NIPSNAP1: variants seen among roughly 807,000 people sequenced by gnomAD.
NIPSNAP1 encodes the protein nipsnap homolog 1.
A neutral mutation model predicts 49.2 loss-of-function variants in NIPSNAP1; 25 were observed. The ratio of observed to expected loss-of-function variants is 0.51; its 90% CI spans 0.37 to 0.71. The LOEUF (loss-of-function observed/expected upper bound fraction) is 0.71, where lower values mean the gene tolerates loss of function less well. Ranked by LOEUF, NIPSNAP1 falls within the 30% of genes least tolerant of loss-of-function variation. NIPSNAP1 has a pLI of 0.00. For synonymous variants in NIPSNAP1, 143 were observed against 140.7 expected (o/e 1.02, Z -0.12); for missense variants, 294 against 361.0 (o/e 0.81, Z 1.50).
intron 1 of NIPSNAP1, among the ~76,000 whole-genome samples, chr22:29,576,793 C>T (rs1409226291): frequency 6.6e-6 from 1 of 151,104 alleles, no homozygotes; most frequent in Admixed American, 6.6e-5. Flanking sequence ...GGTGCGGTGG[C>T]AGGCGCCTGT....
intron 1 of NIPSNAP1, among the ~76,000 whole-genome samples, chr22:29,573,768 C>CAAAAAAA (rs695672): frequency 1.6e-5 from 2 of 125,148 alleles, no homozygotes; most frequent in Admixed American, 8.5e-5. Context: ...AACTCTGTCT[C>CAAAAAAA]AAAAAAAAAA....
At chr22:29,566,194 C>T (rs2064367437) in intron 4 of NIPSNAP1, among the ~76,000 whole-genome samples, 1 of 151,544 alleles carries the variant, frequency 6.6e-6, no homozygotes, top group African/African-American at 2.4e-5. Flanking sequence ...TTTATAGAAG[C>T]AAAGTCTCAC....
At position 29,570,474 on chromosome 22, in the gene NIPSNAP1, C is replaced by A; in HGVS notation, c.157G>T (p.Asp53Tyr). ...WFRSLFVHKV[D>Y]PRKDAHSTLL... ...GTGGAGTGGGCATCCTTCCGGGGAT[C>A]CACTTTGTGAACAAAGAGGGAGCGG... The change falls in exon 2 of 10, where the codon GAT becomes TAT. Residue 53 changes from aspartate to tyrosine, a missense_variant. By Grantham distance (160) the Asp-to-Tyr change is radical. This residue lies in a region of NIPSNAP1 where 88 missense variants were observed against 76.1 expected (regional missense o/e 1.16). Transcript: ENST00000216121. 1 of 1,614,148 alleles carries A rather than the reference C, an allele frequency of 6.2e-7. No individual in the cohort carries two copies. Among genetic ancestry groups the A allele is most frequent in the Non-Finnish European group, 8.5e-7 (1 of 1,180,008 alleles).
intron 1 of NIPSNAP1, chr22:29,579,626 G>A (rs764487122): frequency 1.2e-5 from 2 of 164,082 alleles, no homozygotes; most frequent in South Asian, 1.6e-4. Context: ...ACAGGATCTC[G>A]CCGTGTTGCC....
intron 1 of NIPSNAP1, among the ~76,000 whole-genome samples, chr22:29,577,425 T>G (rs2064461310): frequency 1.3e-5 from 2 of 150,660 alleles, no homozygotes. Flanking sequence ...GCTAATTTTT[T>G]TTTTTTTTCT....
rs1022964103 is a variant in NIPSNAP1 at position 29,555,292 on chromosome 22, C to G, written c.*643G>C. 1.3e-5 allele frequency: 2 copies of G among 153,180 alleles called. No homozygotes were observed. The highest frequency in any genetic ancestry group is 4.8e-5 in the African/African-American group (2 of 41,462). The allele number at this position is 153,180 out of a possible 1,614,324, so 9.5% of individuals were successfully genotyped here. ...AGTTCTGAATTCTAAGTTCTACCTT[C>G]CGAGTTCCTGTTACGTGTCTGTCTC... On this transcript the variant is annotated 3_prime_UTR_variant, in exon 10 of 10. Transcript: ENST00000216121.
chr22:29,557,785 C>T (rs979387931), intron 9 of NIPSNAP1, among the ~76,000 whole-genome samples: 2 of 152,276 alleles, frequency 1.3e-5, no homozygotes, highest in Non-Finnish European at 2.9e-5. Context: ...ACACATTCTC[C>T]CTCATACCAC....
At chr22:29,563,769 G>A (rs1032992055) in intron 4 of NIPSNAP1, among the ~76,000 whole-genome samples, 3 of 152,086 alleles carry the variant, frequency 2.0e-5, no homozygotes, top group Non-Finnish European at 2.9e-5. Context: ...TGAAGACAGA[G>A]ACACACAGAG....
intron 4 of NIPSNAP1, among the ~76,000 whole-genome samples, chr22:29,565,886 C>G (rs369811378): frequency 9.9e-5 from 15 of 152,166 alleles, no homozygotes; most frequent in Non-Finnish European, 2.1e-4. Flanking sequence ...AGGAGATACA[C>G]CTATCTATCT....
chr22:29,561,456 T>A (rs1479485643), intron 6 of NIPSNAP1, 50 bp downstream of exon 6: 11 of 1,612,634 alleles, frequency 6.8e-6, no homozygotes, highest in Non-Finnish European at 9.3e-6. Flanking sequence ...CAAAGCAGCA[T>A]TGCAGCAGGG....
intron 1 of NIPSNAP1, among the ~76,000 whole-genome samples, chr22:29,572,491 G>A (rs2064416925): frequency 6.6e-6 from 1 of 150,924 alleles, no homozygotes; most frequent in Non-Finnish European, 1.5e-5. Flanking sequence ...GATCAGCCTG[G>A]GCAACAAAAT....
intron 4 of NIPSNAP1, among the ~76,000 whole-genome samples, chr22:29,566,162 T>TC (rs1169524702): frequency 1.3e-5 from 2 of 151,208 alleles, no homozygotes; most frequent in African/African-American, 2.4e-5. Flanking sequence ...CTTTTCTTCT[T>TC]TTTTTTTTAA....
Position 29,569,282 on chromosome 22 carries a change from G to A in NIPSNAP1, c.278C>T (p.Ala93Val). The A allele has an allele frequency of 1.2e-6, 2 of 1,613,670 alleles. No individual in the cohort carries two copies. The highest frequency in any genetic ancestry group is 8.5e-7 in the Non-Finnish European group (1 of 1,179,696). Residue 93 changes from alanine (A) to valine (V), a missense_variant, in exon 4 of 10, where the codon GCT (alanine) becomes GTT (valine). By Grantham distance (64) the Ala-to-Val change is moderately conservative. Transcript: ENST00000216121. Reference sequence around the variant, plus strand: ...ATCCAGGTGAAGCTTGGGCAGCACAGCCTCCCTGTGGGGGAGGTGCAGAGA... The same window carrying A: ...ATCCAGGTGAAGCTTGGGCAGCACAACCTCCCTGTGGGGGAGGTGCAGAGA... ...YLDAYNSLTE[A>V]VLPKLHLDED... is the part of the protein sequence containing the mutation.
chr22:29,569,959 A>C, intron 3 of NIPSNAP1: 2 of 600,214 alleles, frequency 3.3e-6, no homozygotes, highest in South Asian at 3.9e-5. Flanking sequence ...ATTGCACTCC[A>C]GCCTGGGCAA....
chr22:29,561,253 T>C (rs988971609), intron 6 of NIPSNAP1, 51 bp from the exon 7 acceptor site: 4 of 1,602,884 alleles, frequency 2.5e-6, no homozygotes, highest in South Asian at 1.1e-5. Flanking sequence ...CTCAGATTCA[T>C]AGCATCACAG....
In NIPSNAP1 at chr22:29,554,905, A is replaced by T. The variant is rs1353977129; in HGVS notation, c.*1030T>A. The T allele has an allele frequency of 6.5e-6, 1 of 152,704 alleles. No homozygotes were observed. The highest frequency in any genetic ancestry group is 1.9e-4 in the East Asian group (1 of 5,296). The allele number at this position is 152,704 out of a possible 1,614,324, so 9.5% of individuals were successfully genotyped here. A position where few individuals can be genotyped will look rare whatever the true frequency, so the allele number is the denominator to read the frequency against. ...GCTACCCAAGGGTTCATGATGAGGT[A>T]TGGGGGTCACTGAGGAGACCCCCAG... On this transcript the variant is annotated 3_prime_UTR_variant, in exon 10 of 10. Coordinates refer to ENST00000216121, the MANE Select transcript of NIPSNAP1 (RefSeq NM_003634.4).
intron 1 of NIPSNAP1, among the ~76,000 whole-genome samples, chr22:29,580,656 G>A (rs557303790): frequency 6.6e-6 from 1 of 152,184 alleles, no homozygotes; most frequent in Non-Finnish European, 1.5e-5. Context: ...CCCCCAGTGG[G>A]TGTTAAATCA....
At chr22:29,561,680 G>A in intron 5 of NIPSNAP1, 34 bp from the exon 6 acceptor site, 1 of 1,614,148 alleles carries the variant, frequency 6.2e-7, no homozygotes, top group South Asian at 1.1e-5. Flanking sequence ...TGGCTACCAG[G>A]AAGTGCGCTC....
intron 1 of NIPSNAP1, among the ~76,000 whole-genome samples, chr22:29,575,880 A>C (rs1807506): frequency 0.24 from 36,733 of 151,612 alleles, 4,541 homozygotes; most frequent in Non-Finnish European, 0.29. Flanking sequence ...ACATCCAGCT[A>C]ATTTTTTATT....
Sources: gnomAD v4.1 joint callset for allele counts (sites outside exome capture counted in the v4.1 genomes callset) on GRCh38, gnomAD v4.1.1 for gene constraint, gnomAD v4.1.1 regional missense constraint, MANE v1.5 for transcripts, NCBI Gene and HGNC (gene_info 2026-07-23, HGNC 2026-07-21) for gene names.